MET: variants seen among roughly 807,000 people sequenced by gnomAD.
The protein encoded by MET is hepatocyte growth factor receptor.
In MET, 48 loss-of-function variants were observed where a neutral mutation model predicts 133.1. That is an observed-to-expected ratio of 0.36 (90% confidence interval 0.29 to 0.46). MET has a LOEUF of 0.46. Ranked by LOEUF, MET falls within the 20% of genes least tolerant of loss-of-function variation. MET has a pLI of 1.00. For synonymous variants in MET, 628 were observed against 616.5 expected (o/e 1.02, Z -0.28); for missense variants, 1,442 against 1,695.9 (o/e 0.85, Z 2.63).
intron 16 of MET, among the ~76,000 whole-genome samples, chr7:116,778,234 A>G (rs1339639703): frequency 1.3e-5 from 2 of 152,206 alleles, no homozygotes; most frequent in Non-Finnish European, 2.9e-5. Flanking sequence ...GACAGGTCTC[A>G]CATGCTTGCG....
chr7:116,769,538 AAAC>A (rs1252959557), intron 11 of MET, 104 bp from the exon 12 acceptor site: 7 of 1,428,466 alleles, frequency 4.9e-6, no homozygotes, highest in Non-Finnish European at 5.8e-6. Flanking sequence ...GTGCCTTGGC[AAAC>A]AACATGGCCT....
At chr7:116,674,273 A>T (rs40238) in intron 1 of MET, among the ~76,000 whole-genome samples, 2 of 152,008 alleles carry the variant, frequency 1.3e-5, no homozygotes, top group African/African-American at 4.8e-5. Flanking sequence ...AATCATAGCC[A>T]GTCAATACGA....
intron 5 of MET, among the ~76,000 whole-genome samples, chr7:116,750,629 G>A (rs1793880248): frequency 6.6e-6 from 1 of 152,202 alleles, no homozygotes; most frequent in South Asian, 2.1e-4. Flanking sequence ...ACTATCATCA[G>A]AGTGAACAGG....
intron 2 of MET, among the ~76,000 whole-genome samples, chr7:116,711,869 G>A (rs142988622): frequency 1.1e-3 from 166 of 152,272 alleles, no homozygotes; most frequent in African/African-American, 3.8e-3. Context: ...CCAGTGATGT[G>A]CTGGTAAATG....
Position 116,699,900 on chromosome 7 carries a change from G to C in MET, c.816G>C (p.Gln272His), listed in dbSNP as rs1168091854. Residue 272 changes from glutamine to histidine, a missense_variant, in exon 2 of 21, where the codon CAG (glutamine) becomes CAC (histidine). Physicochemically the swap from Gln to His is conservative, Grantham distance 24. This residue lies in a region of MET where 762 missense variants were observed against 792.4 expected (regional missense o/e 0.96). Transcript: ENST00000397752. ...LTVQRETLDA[Q>H]TFHTRIIRFC... ...TCCAAAGGGAAACTCTAGATGCTCA[G>C]ACTTTTCACACAAGAATAATCAGGT... 6.2e-7 allele frequency: 1 copy of C among 1,614,086 alleles called. No individual in the cohort carries two copies. The highest frequency in any genetic ancestry group is 1.7e-5 in the Admixed American group (1 of 60,008).
intron 14 of MET, among the ~76,000 whole-genome samples, chr7:116,774,448 A>C (rs570301178): frequency 6.6e-5 from 10 of 152,254 alleles, no homozygotes; most frequent in Non-Finnish European, 1.2e-4. Flanking sequence ...AGGAATCCAT[A>C]GGTTTTGCAC....
Position 116,740,022 on chromosome 7 carries a change from G to A in MET, c.1465G>A (p.Glu489Lys), listed in dbSNP as rs1391853762. Residue 489 changes from glutamate (E) to lysine (K), a missense_variant, in exon 4 of 21, where the codon GAA (glutamate) becomes AAA (lysine). Physicochemically the swap from Glu to Lys is moderately conservative, Grantham distance 56. Coordinates refer to ENST00000397752, the MANE Select transcript of MET (RefSeq NM_000245.4). Reference protein sequence around the residue: ...FLLDSHPVSPEVIVEHTLNQN... With the variant: ...FLLDSHPVSPKVIVEHTLNQN... Reference sequence around the variant, plus strand: ...CCTGGACTCCCATCCAGTGTCTCCAGAAGTGATTGTGGAGCATACATTAAA... The same window carrying A: ...CCTGGACTCCCATCCAGTGTCTCCAAAAGTGATTGTGGAGCATACATTAAA... 1 of 1,614,120 alleles carries A rather than the reference G, an allele frequency of 6.2e-7. No homozygotes were observed. Among genetic ancestry groups the A allele is most frequent in the Non-Finnish European group, 8.5e-7 (1 of 1,179,954 alleles).
At chr7:116,742,554 A>G (rs1311521382) in intron 5 of MET, among the ~76,000 whole-genome samples, 1 of 152,260 alleles carries the variant, frequency 6.6e-6, no homozygotes, top group Non-Finnish European at 1.5e-5. Context: ...CTGGTATTTT[A>G]AGTAAAGAAA....
At chr7:116,795,182 T>C (rs1584977402) in intron 19 of MET, among the ~76,000 whole-genome samples, 1 of 152,222 alleles carries the variant, frequency 6.6e-6, no homozygotes, top group African/African-American at 2.4e-5. Context: ...GATTTAGACC[T>C]TCCCATTTAA....
chr7:116,684,499 A>G (rs1796476897), intron 1 of MET, among the ~76,000 whole-genome samples: 1 of 152,340 alleles, frequency 6.6e-6, no homozygotes, highest in African/African-American at 2.4e-5. Flanking sequence ...TTGAGCACAT[A>G]GGAGAGTTCC....
At position 116,774,896 on chromosome 7, in the gene MET, C is replaced by G. The variant is rs2117029584; in HGVS notation, c.3044C>G (p.Ser1015Ter). The G allele has an allele frequency of 6.2e-7, 1 of 1,614,002 alleles. No homozygotes were observed. Among genetic ancestry groups the G allele is most frequent in the South Asian group, 1.1e-5 (1 of 91,066 alleles). The change falls in exon 15 of 21, where the codon TCA becomes TGA. Residue 1015 changes from serine to a stop codon, truncating the protein, a stop_gained. Coordinates refer to ENST00000397752, the MANE Select transcript of MET (RefSeq NM_000245.4). LOFTEE classifies it high-confidence loss of function. ...ATFPEDQFPN[S>*]SQNGSCRQVQ... is the part of the protein sequence containing the mutation. ...CATCTTACAGATCAGTTTCCTAATT[C>G]ATCTCAGAACGGTTCATGCCGACAA...
chr7:116,755,413 A>C lies in MET; in HGVS notation c.1760A>C (p.Asp587Ala). 1 of 1,614,066 alleles carries C rather than the reference A, an allele frequency of 6.2e-7. No homozygotes were observed. Among genetic ancestry groups the C allele is most frequent in the Non-Finnish European group, 8.5e-7 (1 of 1,179,992 alleles). ...ACAAGGCTGACCATATGTGGCTGGG[A>C]CTTTGGATTTCGGAGGAATAATAAA... ...GGTRLTICGW[D>A]FGFRRNNKFD... The change falls in exon 6 of 21, where the codon GAC (aspartate) becomes GCC (alanine). Residue 587 changes from aspartate to alanine, a missense_variant. Transcript: ENST00000397752.
chr7:116,786,454 AAG>A (rs1795318197), intron 19 of MET, among the ~76,000 whole-genome samples: 1 of 152,232 alleles, frequency 6.6e-6, no homozygotes, highest in Non-Finnish European at 1.5e-5. Context: ...TATAAAGTGA[AAG>A]AGAAAAGCAG....
intron 11 of MET, among the ~76,000 whole-genome samples, chr7:116,764,388 C>CT (rs202214034): frequency 6.6e-4 from 99 of 150,740 alleles, no homozygotes; most frequent in African/African-American, 2.2e-3. Context: ...TTTATCACTT[C>CT]TTTTTTTTTA....
chr7:116,697,281 A>T (rs1355299660), intron 1 of MET, among the ~76,000 whole-genome samples: 1 of 152,124 alleles, frequency 6.6e-6, no homozygotes, highest in Non-Finnish European at 1.5e-5. Flanking sequence ...TCCCTTATTC[A>T]TTCCTTCTAT....
chr7:116,738,064 G>A (rs1218100612), intron 3 of MET, among the ~76,000 whole-genome samples: 1 of 152,212 alleles, frequency 6.6e-6, no homozygotes, highest in African/African-American at 2.4e-5. Context: ...CTTCAGTGAA[G>A]TGCAAAGCAT....
chr7:116,714,745 G>GCACACACACACACA (rs142954535), intron 2 of MET, among the ~76,000 whole-genome samples: 32 of 145,020 alleles, frequency 2.2e-4, no homozygotes, highest in Non-Finnish European at 4.1e-4. Flanking sequence ...TCACATGCAC[G>GCACACACACACACA]CACACACACA....
At chr7:116,792,178 C>T (rs1163519736) in intron 19 of MET, among the ~76,000 whole-genome samples, 3 of 152,070 alleles carry the variant, frequency 2.0e-5, no homozygotes, top group Non-Finnish European at 4.4e-5. Flanking sequence ...TCCTTGCTCA[C>T]TTACCTCAGT....
chr7:116,681,945 A>G (rs1249129656), intron 1 of MET, among the ~76,000 whole-genome samples: 2 of 152,248 alleles, frequency 1.3e-5, no homozygotes, highest in African/African-American at 4.8e-5. Context: ...TGACAAAAAA[A>G]AAAACTTCCT....
Sources: allele counts gnomAD v4.1 joint callset (sites outside exome capture counted in the v4.1 genomes callset), GRCh38; gene constraint gnomAD v4.1.1; regional missense constraint gnomAD v4.1.1; transcripts MANE v1.5; gene names NCBI Gene and HGNC (gene_info 2026-07-23, HGNC 2026-07-21).